VPS45: variants seen among roughly 807,000 people sequenced by gnomAD.
VPS45 encodes the protein vacuolar protein sorting-associated protein 45.
VPS45 carries 35 observed loss-of-function variants against 75.9 expected under a neutral mutation model. That is an observed-to-expected ratio of 0.46 (90% CI 0.35 to 0.61). The LOEUF is 0.61. Among genes scored for constraint, VPS45 ranks in the 20% least tolerant of loss-of-function variants. The pLI is 0.00. For missense variants in VPS45, 559 were observed against 685.9 expected (o/e 0.81, Z 2.07); for synonymous variants, 220 against 238.2 (o/e 0.92, Z 0.70).
chr1:150,102,109 G>A (rs1553804549), intron 13 of VPS45, among the ~76,000 whole-genome samples: 1 of 151,362 alleles, frequency 6.6e-6, no homozygotes, highest in African/African-American at 2.4e-5. Flanking sequence ...ATGGTGGCAG[G>A]TGCCTGTAAT....
chr1:150,084,913 G>A (rs587710653), intron 10 of VPS45, among the ~76,000 whole-genome samples: 1 of 150,814 alleles, frequency 6.6e-6, no homozygotes, highest in East Asian at 1.9e-4. Flanking sequence ...CTCTAAGCAT[G>A]ATTTTTTTTT....
chr1:150,076,807 C>A (rs587700304), intron 4 of VPS45, 109 bp from the exon 5 acceptor site: 28 of 1,182,626 alleles, frequency 2.4e-5, no homozygotes, highest in Non-Finnish European at 3.3e-5. Flanking sequence ...TCTCTTTACA[C>A]CTGTATTTCA....
chr1:150,081,464 A>G lies in VPS45; in HGVS notation c.810A>G (p.Glu270=). The change falls in exon 8 of 15, where the codon GAA becomes GAG. Residue 270 remains glutamate, a synonymous_variant. Coordinates refer to ENST00000644510, the MANE Select transcript of VPS45 (RefSeq NM_007259.5). ...REVVLSAEND[E]FYANNMYLNF... is the part of the protein sequence containing the mutation. ...TGGTCCTATCTGCTGAAAATGATGA[A>G]TTCTATGCTAATGTAGGTGGTTTAA... 1.3e-6 allele frequency: 2 copies of G among 1,599,010 alleles called. No individual in the cohort carries two copies. The highest frequency in any genetic ancestry group is 1.7e-6 in the Non-Finnish European group (2 of 1,176,502).
intron 12 of VPS45, among the ~76,000 whole-genome samples, chr1:150,092,934 C>T (rs375348213): frequency 1.7e-4 from 25 of 149,112 alleles, no homozygotes; most frequent in African/African-American, 4.7e-4. Flanking sequence ...CTCTGCCTCC[C>T]GGGTTTTACG....
intron 14 of VPS45, among the ~76,000 whole-genome samples, chr1:150,138,272 A>T (rs4926409): frequency 0.26 from 39,583 of 151,166 alleles, 7,782 homozygotes; most frequent in African/African-American, 0.55. Flanking sequence ...CTTATTTTTT[A>T]AAAAAAAATA....
chr1:150,076,587 C>G (rs980483496), intron 4 of VPS45: 2 of 466,292 alleles, frequency 4.3e-6, no homozygotes, highest in Non-Finnish European at 7.6e-6. Context: ...CAGCAAAGTT[C>G]TTTTTTATCT....
chr1:150,077,556 C>T (rs1466149456), intron 6 of VPS45, 113 bp from the exon 7 acceptor site: 1 of 778,012 alleles, frequency 1.3e-6, no homozygotes. Flanking sequence ...TATGGAAGAT[C>T]TATGTGGGTG....
rs376454041 is a variant in VPS45, at chr1:150,076,345, T to C, written c.369+33T>C. 5 of 1,527,542 alleles carry C rather than the reference T, an allele frequency of 3.3e-6. No individual in the cohort carries two copies. In the African/African-American group the frequency reaches 5.6e-5, roughly 17 times the overall value. The allele number at this position is 1,527,542 out of a possible 1,614,324, so 94.6% of individuals were successfully genotyped here. ...TATTGGTCCTGTAACACATCTCGTA[T>C]GTTGGCCCTTTTTAAATATTTGAGT... is the stretch of plus-strand genomic sequence containing the variant. On this transcript the variant is annotated intron_variant, in intron 4 of 14. Coordinates refer to ENST00000644510, the MANE Select transcript of VPS45 (RefSeq NM_007259.5).
At chr1:150,139,299 A>C (rs1489820194) in intron 14 of VPS45, among the ~76,000 whole-genome samples, 1 of 151,992 alleles carries the variant, frequency 6.6e-6, no homozygotes, top group African/African-American at 2.4e-5. Context: ...ACCTCTTACT[A>C]TCCAACACCT....
intron 10 of VPS45, 24 bp downstream of exon 10, chr1:150,082,907 T>A (rs1553799801): frequency 6.2e-7 from 1 of 1,606,704 alleles, no homozygotes; most frequent in Admixed American, 1.7e-5. Context: ...GATGAGCACC[T>A]ACTATGTGTA....
intron 6 of VPS45, 163 bp from the exon 7 acceptor site, chr1:150,077,506 T>C (rs1423303169): frequency 1.5e-6 from 1 of 682,976 alleles, no homozygotes; most frequent in Non-Finnish European, 2.4e-6. Flanking sequence ...ACCTCTTAAA[T>C]AGTATGCTAC....
At chr1:150,083,852 T>C (rs1234933721) in intron 10 of VPS45, among the ~76,000 whole-genome samples, 1 of 152,024 alleles carries the variant, frequency 6.6e-6, no homozygotes, top group Non-Finnish European at 1.5e-5. Flanking sequence ...CTTAAAATGA[T>C]GGGGGCTCCC....
rs1659585160 is a variant in VPS45, at chr1:150,144,808, G to A, written c.*12G>A. 6.2e-7 allele frequency: 1 copy of A among 1,614,044 alleles called. No homozygotes were observed. The highest frequency in any genetic ancestry group is 8.5e-7 in the Non-Finnish European group (1 of 1,180,014). ...CGAGCAGAAGATGAAACGGTGGTTG[G>A]GGGAAGGGCACAGCTTCCTCTCTTG... On this transcript the variant is annotated 3_prime_UTR_variant, in exon 15 of 15. Coordinates refer to ENST00000644510, the MANE Select transcript of VPS45 (RefSeq NM_007259.5).
At chr1:150,125,898 G>C (rs2101637855) in intron 14 of VPS45, among the ~76,000 whole-genome samples, 1 of 152,122 alleles carries the variant, frequency 6.6e-6, no homozygotes, top group Middle Eastern at 3.4e-3. Flanking sequence ...ATCTTGGCCA[G>C]ACTGGTCTTG....
Position 150,076,388 on chromosome 1 carries a change from G to T in VPS45, c.369+76G>T, listed in dbSNP as rs1655387750. On this transcript the variant is annotated intron_variant, in intron 4 of 14. Coordinates refer to ENST00000644510, the MANE Select transcript of VPS45 (RefSeq NM_007259.5). ...ATTTGAGTCTAAAAATAAAAAATAA[G>T]GAAAGGTCTGTCTCAAAAGAAGTTT... 4.1e-6 allele frequency: 5 copies of T among 1,213,688 alleles called. No homozygotes were observed. The Admixed American group carries it at 1.1e-4, about 26-fold the overall frequency. The allele number at this position is 1,213,688 out of a possible 1,614,324, so 75.2% of individuals were successfully genotyped here.
intron 2 of VPS45, among the ~76,000 whole-genome samples, chr1:150,069,376 G>A (rs1553796507): frequency 6.7e-6 from 1 of 149,176 alleles, no homozygotes; most frequent in African/African-American, 2.5e-5. Flanking sequence ...TTGGCCATTT[G>A]TCACTTTTTA....
At chr1:150,125,131 G>T (rs886926333) in intron 14 of VPS45, among the ~76,000 whole-genome samples, 3 of 148,892 alleles carry the variant, frequency 2.0e-5, no homozygotes, top group African/African-American at 2.5e-5. Flanking sequence ...TTATTTTTTT[G>T]CTTTTTTAAA....
chr1:150,139,916 TG>T (rs1322516006), intron 14 of VPS45, among the ~76,000 whole-genome samples: 1 of 151,934 alleles, frequency 6.6e-6, no homozygotes, highest in African/African-American at 2.4e-5. Context: ...TGTTTTGAGA[TG>T]GAGTCTTGCT....
At chr1:150,131,090 A>G (rs1043151078) in intron 14 of VPS45, among the ~76,000 whole-genome samples, 1 of 152,218 alleles carries the variant, frequency 6.6e-6, no homozygotes, top group East Asian at 1.9e-4. Flanking sequence ...TTTAAGATGC[A>G]AAATTACTAA....
Sources: gnomAD v4.1 joint callset for allele counts (sites outside exome capture counted in the v4.1 genomes callset) on GRCh38, gnomAD v4.1.1 for gene constraint, MANE v1.5 for transcripts, NCBI Gene and HGNC (gene_info 2026-07-23, HGNC 2026-07-21) for gene names.